The following MAPK8 variants were observed in gnomAD, a reference collection of about 807,000 sequenced individuals.
MAPK8 encodes mitogen-activated protein kinase 8.
MAPK8 carries 13 observed loss-of-function variants against 52.9 expected under a neutral mutation model. The ratio of observed to expected loss-of-function variants is 0.25; its 90% CI spans 0.16 to 0.39. MAPK8 has a LOEUF of 0.39. Among genes scored for constraint, MAPK8 ranks in the 10% least tolerant of loss-of-function variants. The pLI is 1.00. For missense variants in MAPK8, 300 were observed against 519.2 expected (o/e 0.58, Z 4.10); for synonymous variants, 191 against 169.8 (o/e 1.12, Z -0.97).
intron 1 of MAPK8, among the ~76,000 whole-genome samples, chr10:48,318,116 G>A (rs1382898911): frequency 6.6e-6 from 1 of 152,084 alleles, no homozygotes; most frequent in African/African-American, 2.4e-5. Flanking sequence ...TGTGAGGGCT[G>A]GCAAGTCTGA....
At chr10:48,343,149 C>T (rs1364113490) in intron 1 of MAPK8, among the ~76,000 whole-genome samples, 2 of 152,204 alleles carry the variant, frequency 1.3e-5, no homozygotes, top group East Asian at 3.8e-4. Context: ...AGTTTATTCT[C>T]ACAGTTCTAG....
rs568314320 is a variant in MAPK8 at position 48,403,456 on chromosome 10, T to TA, written c.123-1380dup. Reference sequence around the variant, plus strand: ...CTGGGTGATAGAGTGAGACTCCGTCTAAAAAAAAAAAAAAAATCAGAGCAA... The same window carrying TA: ...CTGGGTGATAGAGTGAGACTCCGTCTAAAAAAAAAAAAAAAAATCAGAGCAA... On this transcript the variant is annotated intron_variant, in intron 2 of 11. Coordinates refer to ENST00000374189, the MANE Select transcript of MAPK8 (RefSeq NM_001323329.2). 3.0e-3 allele frequency among the ~76,000 whole-genome samples: 394 copies of TA among 131,384 alleles called. 1 individual carries two copies. Among genetic ancestry groups the TA allele is most frequent in the East Asian group, 0.02 (94 of 4,588 alleles). The allele number at this position is 131,384 out of a possible 152,430, so 86.2% of individuals were successfully genotyped here.
chr10:48,390,480 C>A (rs768185706), intron 1 of MAPK8, among the ~76,000 whole-genome samples: 5 of 152,208 alleles, frequency 3.3e-5, no homozygotes, highest in African/African-American at 1.2e-4. Context: ...CTGATGATTA[C>A]AGCTGTCTTA....
chr10:48,377,981 A>G (rs1167793580), intron 1 of MAPK8, among the ~76,000 whole-genome samples: 1 of 152,142 alleles, frequency 6.6e-6, no homozygotes, highest in South Asian at 2.1e-4. Flanking sequence ...TCAAGGGGTA[A>G]TTATTTACCT....
chr10:48,386,807 T>A (rs1371718843), intron 1 of MAPK8, among the ~76,000 whole-genome samples: 2 of 152,148 alleles, frequency 1.3e-5, no homozygotes, highest in Non-Finnish European at 2.9e-5. Flanking sequence ...CATTGAAATA[T>A]ATATATTTTA....
chr10:48,427,028 T>C, intron 9 of MAPK8, 52 bp from the exon 10 acceptor site: 1 of 1,353,826 alleles, frequency 7.4e-7, no homozygotes, highest in Non-Finnish European at 1.1e-6. Context: ...AACTACAGAG[T>C]TAAAATACTC....
At chr10:48,339,431 T>G (rs1470718628) in intron 1 of MAPK8, among the ~76,000 whole-genome samples, 1 of 152,092 alleles carries the variant, frequency 6.6e-6, no homozygotes, top group Non-Finnish European at 1.5e-5. Context: ...ATACAAAAAT[T>G]AACTCAAGAT....
chr10:48,393,707 C>T (rs1468079204), intron 1 of MAPK8, among the ~76,000 whole-genome samples: 1 of 151,956 alleles, frequency 6.6e-6, no homozygotes, highest in Non-Finnish European at 1.5e-5. Flanking sequence ...ATGAAGCTTG[C>T]AATGATGCTT....
At chr10:48,401,133 C>G (rs1222394556) in intron 1 of MAPK8, among the ~76,000 whole-genome samples, 1 of 152,118 alleles carries the variant, frequency 6.6e-6, no homozygotes, top group Admixed American at 6.5e-5. Flanking sequence ...ATGACACATG[C>G]TAGTCAACTT....
At chr10:48,325,480 T>C (rs1843423289) in intron 1 of MAPK8, among the ~76,000 whole-genome samples, 1 of 152,238 alleles carries the variant, frequency 6.6e-6, no homozygotes, top group African/African-American at 2.4e-5. Flanking sequence ...TTTTTGTTTT[T>C]TTCAGAAGTT....
intron 6 of MAPK8, among the ~76,000 whole-genome samples, chr10:48,420,537 A>G (rs1331281268): frequency 6.6e-6 from 1 of 152,222 alleles, no homozygotes; most frequent in Non-Finnish European, 1.5e-5. Context: ...ACATAACATC[A>G]GTACTACCAT....
chr10:48,347,048 G>C (rs573556115), intron 1 of MAPK8, among the ~76,000 whole-genome samples: 2 of 152,294 alleles, frequency 1.3e-5, no homozygotes, highest in African/African-American at 4.8e-5. Flanking sequence ...CCCGGGCCCA[G>C]CTGCTTTTTC....
In MAPK8 at chr10:48,431,252, G is replaced by A. The variant is rs778058488; in HGVS notation, c.1120G>A (p.Gly374Arg). Reference sequence around the variant, plus strand: ...GAGAACCAAGAATGGAGTTATACGGGGGCAGCCCTCTCCTTTAGGTTGGTT... The same window carrying A: ...GAGAACCAAGAATGGAGTTATACGGAGGCAGCCCTCTCCTTTAGGTTGGTT... ...EERTKNGVIRGQPSPLGAAVI... is the reference protein window; with the variant it reads ...EERTKNGVIRRQPSPLGAAVI... Residue 374 changes from glycine to arginine, a missense_variant, in exon 11 of 12, where the codon GGG (glycine) becomes AGG (arginine). By Grantham distance (125) the Gly-to-Arg change is moderately radical. Coordinates refer to ENST00000374189, the MANE Select transcript of MAPK8 (RefSeq NM_001323329.2). The A allele has an allele frequency of 1.9e-6, 3 of 1,611,316 alleles. No individual in the cohort carries two copies. Among genetic ancestry groups the A allele is most frequent in the Non-Finnish European group, 2.5e-6 (3 of 1,177,578 alleles).
At chr10:48,432,385 A>G (rs774651754) in intron 11 of MAPK8, among the ~76,000 whole-genome samples, 1 of 152,152 alleles carries the variant, frequency 6.6e-6, no homozygotes, top group East Asian at 1.9e-4. Flanking sequence ...AGAGTTGTAT[A>G]TTTTAAATCT....
At chr10:48,333,549 G>A (rs1844349031) in intron 1 of MAPK8, among the ~76,000 whole-genome samples, 1 of 152,246 alleles carries the variant, frequency 6.6e-6, no homozygotes, top group African/African-American at 2.4e-5. Context: ...CTCTAAAGAT[G>A]GGAGGGCCAG....
chr10:48,326,119 T>C lies in MAPK8; in HGVS notation c.-50+19298T>C, dbSNP rs78671127. The stretch of plus-strand genomic sequence containing the variant: ...AGGTGACCATGCACAGCCCACACTT[T>C]AGGGAGTTATGTCCTGCTTCTTGAT... On this transcript the variant is annotated intron_variant, in intron 1 of 11. Transcript: ENST00000374189. Among the ~76,000 whole-genome samples, 101 of 152,306 alleles carry C rather than the reference T, an allele frequency of 6.6e-4. 1 individual carries two copies. In the East Asian group the frequency reaches 0.017, roughly 26 times the overall value.
chr10:48,343,050 G>A (rs1455025667), intron 1 of MAPK8, among the ~76,000 whole-genome samples: 2 of 152,154 alleles, frequency 1.3e-5, no homozygotes, highest in Non-Finnish European at 2.9e-5. Flanking sequence ...AGCAAACCTA[G>A]GACAGTGAAT....
chr10:48,306,869 G>T (rs1199138530), intron 1 of MAPK8, 48 bp downstream of exon 1: 1 of 151,940 alleles, frequency 6.6e-6, no homozygotes, highest in Non-Finnish European at 1.5e-5. Context: ...CGGCCCCGTC[G>T]TGTTTATGTT....
chr10:48,415,044 A>G (rs558143749), intron 5 of MAPK8, among the ~76,000 whole-genome samples: 3 of 152,238 alleles, frequency 2.0e-5, no homozygotes, highest in South Asian at 4.1e-4. Context: ...TAAGTGAACA[A>G]TCCTGCTACA....
Sources: allele counts gnomAD v4.1 joint callset (sites outside exome capture counted in the v4.1 genomes callset), GRCh38; gene constraint gnomAD v4.1.1; transcripts MANE v1.5; gene names NCBI Gene and HGNC (gene_info 2026-07-23, HGNC 2026-07-21).